Variants in ZNF605 observed in about 807,000 individuals in gnomAD.
ZNF605 encodes zinc finger protein 605.
ZNF605 carries 9 observed loss-of-function variants against 7.9 expected under a neutral mutation model. The ratio of observed to expected loss-of-function variants is 1.14; its 90% CI spans 0.68 to 1.98. ZNF605 has a LOEUF of 1.98. Among genes scored for constraint, ZNF605 ranks in the 30% most tolerant of loss-of-function variants. The pLI, the probability that ZNF605 is intolerant of heterozygous loss-of-function variation, is 0.00. For synonymous variants in ZNF605, 255 were observed against 260.1 expected, an observed-to-expected ratio of 0.98 and a Z score of 0.19; for missense variants, 673 against 762.4, an observed-to-expected ratio of 0.88 and a Z score of 1.38.
chr12:132,926,705 T>C lies in ZNF605; in HGVS notation c.594A>G (p.Gln198=), dbSNP rs1952251294. 1 of 1,614,096 alleles carries C rather than the reference T, an allele frequency of 6.2e-7. No homozygotes were observed. The highest frequency in any genetic ancestry group is 2.2e-5 in the East Asian group (1 of 44,894). Residue 198 remains glutamine (Q), a synonymous_variant, in exon 5 of 5, where the codon CAA becomes CAG. Coordinates refer to ENST00000360187, the MANE Select transcript of ZNF605 (RefSeq NM_183238.4). ...AAAAGGCTTTTCCACACTCACTGCATTGATAGGGCTTCTCTCCTGTATGAG... is the reference window on the plus strand; with the variant it reads ...AAAAGGCTTTTCCACACTCACTGCACTGATAGGGCTTCTCTCCTGTATGAG... ...QRTHTGEKPY[Q]CSECGKAFSQ...
chr12:132,938,169 A>C (rs1952387978), intron 3 of ZNF605, among the ~76,000 whole-genome samples: 1 of 151,578 alleles, frequency 6.6e-6, no homozygotes, highest in Non-Finnish European at 1.5e-5. Flanking sequence ...TTTAGTAGAG[A>C]CGGGGTTTCA....
At chr12:132,938,250 G>A (rs1267343882) in intron 3 of ZNF605, among the ~76,000 whole-genome samples, 1 of 151,982 alleles carries the variant, frequency 6.6e-6, no homozygotes, top group Non-Finnish European at 1.5e-5. Context: ...AAAGTGCTGG[G>A]ATTACAGGCA....
chr12:132,939,395 C>T (rs1294492783), intron 3 of ZNF605, among the ~76,000 whole-genome samples: 2 of 151,806 alleles, frequency 1.3e-5, no homozygotes, highest in South Asian at 2.1e-4. Flanking sequence ...ATACACCAAT[C>T]GGCACTCTGT....
chr12:132,938,967 A>G (rs367839074), intron 3 of ZNF605, among the ~76,000 whole-genome samples: 3,288 of 145,878 alleles, frequency 0.023, 139 homozygotes, highest in Non-Finnish European at 0.036. Flanking sequence ...TCGATTTCTC[A>G]CCGAGCCTTA....
chr12:132,932,788 G>C, intron 4 of ZNF605: 2 of 1,536,236 alleles, frequency 1.3e-6, no homozygotes, highest in Admixed American at 2.0e-5. Flanking sequence ...ATTGCATCAG[G>C]TTTGAGAATT....
chr12:132,950,605 C>G (rs992486880), intron 1 of ZNF605, among the ~76,000 whole-genome samples: 3 of 151,588 alleles, frequency 2.0e-5, no homozygotes, highest in Non-Finnish European at 4.4e-5. Flanking sequence ...CACGTACACA[C>G]ACACAAAGAC....
chr12:132,932,866 G>T, intron 4 of ZNF605, 169 bp downstream of exon 4: 1 of 1,391,930 alleles, frequency 7.2e-7, no homozygotes, highest in South Asian at 1.4e-5. Flanking sequence ...TCTTAAATAT[G>T]TAGAATGTTT....
intron 3 of ZNF605, among the ~76,000 whole-genome samples, chr12:132,943,114 G>A (rs956320258): frequency 5.3e-5 from 8 of 152,098 alleles, no homozygotes; most frequent in African/African-American, 1.9e-4. Flanking sequence ...TGTAATCCCC[G>A]CACTTTGGGA....
At chr12:132,934,024 A>T (rs1005228513) in intron 3 of ZNF605, among the ~76,000 whole-genome samples, 1 of 152,132 alleles carries the variant, frequency 6.6e-6, no homozygotes, top group African/African-American at 2.4e-5. Context: ...TGGGAGGCTG[A>T]GGTGGGCGGA....
intron 1 of ZNF605, among the ~76,000 whole-genome samples, chr12:132,953,660 C>CAG (rs1952598448): frequency 6.7e-6 from 1 of 149,328 alleles, no homozygotes; most frequent in Non-Finnish European, 1.5e-5. Flanking sequence ...CTCTTGACCT[C>CAG]CTGATCTGCC....
intron 3 of ZNF605, among the ~76,000 whole-genome samples, chr12:132,938,927 C>T (rs1193399607): frequency 1.3e-5 from 2 of 152,080 alleles, no homozygotes. Context: ...TACTGGGTCC[C>T]CCAGCAGTGC....
At chr12:132,945,204 T>C in intron 3 of ZNF605, 1 of 576,818 alleles carries the variant, frequency 1.7e-6, no homozygotes, top group Non-Finnish European at 3.1e-6. Flanking sequence ...CCTCAAATGA[T>C]CTGCCCTCCT....
chr12:132,921,956 T>G lies in ZNF605; in HGVS notation c.*3417A>C, dbSNP rs897344374. 2.0e-5 allele frequency: 3 copies of G among 152,238 alleles called. No individual in the cohort carries two copies. The highest frequency in any genetic ancestry group is 7.2e-5 in the African/African-American group (3 of 41,468). The allele number at this position is 152,238 out of a possible 1,614,324, so 9.4% of individuals were successfully genotyped here. On this transcript the variant is annotated 3_prime_UTR_variant, in exon 5 of 5. Coordinates refer to ENST00000360187, the MANE Select transcript of ZNF605 (RefSeq NM_183238.4). ...GGTTGTAAGAGAAGCAACTCTGGCT[T>G]GATCTTAGAAAAGCTGATTTTCTTT...
chr12:132,923,924 A>T lies in ZNF605; in HGVS notation c.*1449T>A, dbSNP rs182433721. The stretch of plus-strand genomic sequence containing the variant: ...TGGTAGTTTTTATTCTTACTCTTCA[A>T]GTTCATTGATTTTTTCTTCTTTTTC... On this transcript the variant is annotated 3_prime_UTR_variant, in exon 5 of 5. Coordinates refer to ENST00000360187, the MANE Select transcript of ZNF605 (RefSeq NM_183238.4). 1 of 151,648 alleles carries T rather than the reference A, an allele frequency of 6.6e-6. No homozygotes were observed. Among genetic ancestry groups the T allele is most frequent in the African/African-American group, 2.4e-5 (1 of 41,198 alleles). 9.4% of individuals were successfully genotyped at this position (151,648 alleles called of 1,614,324 possible).
In ZNF605 at chr12:132,920,315, A is replaced by ATTT. The variant is rs1566226116; in HGVS notation, c.*5055_*5057dup. ...CCACCTCACCTGGCTAATTTTTTGT[A>ATTT]TTTTTAGTAGAGACGGGGTTTCACC... On this transcript the variant is annotated 3_prime_UTR_variant, in exon 5 of 5. Transcript: ENST00000360187. 5 of 151,442 alleles carry ATTT rather than the reference A, an allele frequency of 3.3e-5. No individual in the cohort carries two copies. 9.4% of individuals were successfully genotyped at this position (151,442 alleles called of 1,614,324 possible).
intron 3 of ZNF605, chr12:132,944,733 T>C (rs1952480513): frequency 6.6e-6 from 1 of 152,356 alleles, no homozygotes; most frequent in Non-Finnish European, 1.5e-5. Context: ...AACCTGTTTG[T>C]TTATTACAAG....
intron 4 of ZNF605, among the ~76,000 whole-genome samples, chr12:132,929,301 G>A (rs1049978900): frequency 3.9e-5 from 6 of 152,044 alleles, no homozygotes; most frequent in Non-Finnish European, 8.8e-5. Context: ...CAGCTACTTG[G>A]GAGGCTGAGG....
rs916656674 is a variant in ZNF605 at position 132,933,280 on chromosome 12, T to C, written c.16-125A>G. 30 of 1,083,498 alleles carry C rather than the reference T, an allele frequency of 2.8e-5. No homozygotes were observed. Among genetic ancestry groups the C allele is most frequent in the Non-Finnish European group, 3.4e-5 (26 of 773,734 alleles). 67.1% of individuals were successfully genotyped at this position (1,083,498 alleles called of 1,614,324 possible). On this transcript the variant is annotated intron_variant, in intron 3 of 4. Transcript: ENST00000360187. The surrounding 1 kb of genome is among the most constrained non-coding windows in gnomAD (Gnocchi z 4.4). ...CAGTGACCTCTGACTCCGGTATTCATGCTTTTGCATAATCCTCCCCTCTTG... is the reference window on the plus strand; with the variant it reads ...CAGTGACCTCTGACTCCGGTATTCACGCTTTTGCATAATCCTCCCCTCTTG...
At position 132,927,030 on chromosome 12, in the gene ZNF605, A is replaced by G. The variant is rs749278517; in HGVS notation, c.269T>C (p.Leu90Pro). Residue 90 changes from leucine to proline, a missense_variant, in exon 5 of 5, where the codon CTG becomes CCG. Coordinates refer to ENST00000360187, the MANE Select transcript of ZNF605 (RefSeq NM_183238.4). ...TCCTGTGCCACATTTATGGGATCGC[A>G]GTCCTACATGAACAATGTTTATGCT... Reference protein sequence around the residue: ...NSSINIVHVGLRSHKCGTGEK... With the variant: ...NSSINIVHVGPRSHKCGTGEK... The G allele has an allele frequency of 4.1e-4, 667 of 1,609,732 alleles. No individual in the cohort carries two copies. The highest frequency in any genetic ancestry group is 5.4e-4 in the Non-Finnish European group (634 of 1,179,934).
Sources: gnomAD v4.1 joint callset for allele counts (sites outside exome capture counted in the v4.1 genomes callset) on GRCh38, gnomAD v4.1.1 for gene constraint, Gnocchi (gnomAD v3.1) non-coding constraint, MANE v1.5 for transcripts, NCBI Gene and HGNC (gene_info 2026-07-23, HGNC 2026-07-21) for gene names.